Variants in CREBBP observed in about 807,000 individuals in gnomAD.
The protein encoded by CREBBP is CREB binding lysine acetyltransferase.
Under a neutral mutation model 265.0 loss-of-function variants are expected in CREBBP, and 19 were observed. The observed-to-expected ratio is 0.07, with a 90% CI of 0.05 to 0.11. CREBBP has a LOEUF of 0.11. Among genes scored for constraint, CREBBP ranks in the 10% least tolerant of loss-of-function variants. The pLI, the probability that CREBBP is intolerant of heterozygous loss-of-function variation, is 1.00. For synonymous variants in CREBBP, 1,457 were observed against 1,223.7 expected (o/e 1.19, Z -3.98); for missense variants, 2,525 against 3,219.0 (o/e 0.78, Z 5.22).
At position 3,728,053 on chromosome 16, in the gene CREBBP, C is replaced by T. The variant is rs2151299963; in HGVS notation, c.6994G>A (p.Gly2332Ser). Reference sequence around the variant, plus strand: ...CTAAGGGACGTGGCGATCTGCTGGCCAGGGAGATGCGAGGCCTGTGGCTGT... The same window carrying T: ...CTAAGGGACGTGGCGATCTGCTGGCTAGGGAGATGCGAGGCCTGTGGCTGT... ...SGQPQASHLP[G>S]QQIATSLSNQ... The change falls in exon 31 of 31, where the codon GGC becomes AGC. Residue 2332 changes from glycine (G) to serine (S), a missense_variant. Physicochemically the swap from Gly to Ser is moderately conservative, Grantham distance 56 (BLOSUM62 0). This residue lies in a region of CREBBP where 473 missense variants were observed against 459.3 expected (regional missense o/e 1.03). Coordinates refer to ENST00000262367, the MANE Select transcript of CREBBP (RefSeq NM_004380.3). The surrounding 1 kb of genome is among the most constrained non-coding windows in gnomAD (Gnocchi z 8.7). 6.2e-7 allele frequency: 1 copy of T among 1,613,340 alleles called. No individual in the cohort carries two copies. The highest frequency in any genetic ancestry group is 1.1e-5 in the South Asian group (1 of 91,058).
intron 28 of CREBBP, among the ~76,000 whole-genome samples, chr16:3,733,791 G>A (rs556354222): frequency 1.3e-4 from 20 of 152,034 alleles, no homozygotes; most frequent in African/African-American, 3.6e-4. Flanking sequence ...ACAGGCGTGC[G>A]CCACCACACC....
intron 2 of CREBBP, among the ~76,000 whole-genome samples, chr16:3,845,238 T>A (rs1178955739): frequency 6.6e-6 from 1 of 152,188 alleles, no homozygotes. Context: ...ATCATATTTT[T>A]AAAAATTCTC....
rs2054756713 is a variant in CREBBP at position 3,849,435 on chromosome 16, GTGT to G, written c.798+859_798+861del. Among the ~76,000 whole-genome samples the G allele has an allele frequency of 6.2e-3, 97 of 15,730 alleles. 2 individuals are homozygous for G. Among genetic ancestry groups the G allele is most frequent in the Admixed American group, 0.013 (17 of 1,276 alleles). The allele number at this position is 15,730 out of a possible 152,430, so 10.3% of individuals were successfully genotyped here. On this transcript the variant is annotated intron_variant, in intron 2 of 30. Coordinates refer to ENST00000262367, the MANE Select transcript of CREBBP (RefSeq NM_004380.3). ...TGTGTGTGTGTGTGTGTGTGTGTGT[GTGT>G]GTGTGTGTGTGTGTGTGTGTGTGTG...
Position 3,729,560 on chromosome 16 carries a change from G to A in CREBBP, c.5487C>T (p.His1829=), listed in dbSNP as rs565393831. 36 of 1,614,192 alleles carry A rather than the reference G, an allele frequency of 2.2e-5. No homozygotes were observed. In the South Asian group the frequency reaches 3.4e-4, roughly 15 times the overall value. The change falls in exon 31 of 31, where the codon CAC becomes CAT. Residue 1829 remains histidine (H), a synonymous_variant. Coordinates refer to ENST00000262367, the MANE Select transcript of CREBBP (RefSeq NM_004380.3). ...CKQLIALCCY[H]AKHCQENKCP... ...ATTTGTTTTCTTGGCAGTGCTTGGC[G>A]TGGTAGCAGCAGAGGGCGATGAGCT...
At chr16:3,797,546 G>C (rs2053631599) in intron 3 of CREBBP, among the ~76,000 whole-genome samples, 1 of 151,990 alleles carries the variant, frequency 6.6e-6, no homozygotes, top group Non-Finnish European at 1.5e-5. Context: ...AACTAATAAT[G>C]AAATAGAACC....
chr16:3,819,897 T>G (rs1016303527), intron 2 of CREBBP, among the ~76,000 whole-genome samples: 6 of 152,194 alleles, frequency 3.9e-5, no homozygotes, highest in African/African-American at 1.4e-4. Context: ...CTACCACTCA[T>G]AAGCCAGCCA....
intron 16 of CREBBP, chr16:3,761,574 T>C (rs1161141175): frequency 1.9e-6 from 1 of 518,670 alleles, no homozygotes. Flanking sequence ...ATACAGACTC[T>C]TGACCAACCT....
At chr16:3,810,175 T>C (rs555028605) in intron 3 of CREBBP, among the ~76,000 whole-genome samples, 55 of 152,290 alleles carry the variant, frequency 3.6e-4, no homozygotes, top group African/African-American at 1.3e-3. Context: ...TTGGACGTAA[T>C]ATGCATCTCA....
At chr16:3,805,790 T>G (rs1241714854) in intron 3 of CREBBP, among the ~76,000 whole-genome samples, 1 of 152,212 alleles carries the variant, frequency 6.6e-6, no homozygotes, top group African/African-American at 2.4e-5. Flanking sequence ...ATGGTGTCAG[T>G]GGACAGTGGC....
chr16:3,758,111 C>A (rs2151384443), intron 17 of CREBBP, 63 bp from the exon 18 acceptor site: 1 of 1,570,450 alleles, frequency 6.4e-7, no homozygotes, highest in Non-Finnish European at 8.7e-7. Context: ...CCAGTCTCAT[C>A]TGGCAGCTTT....
chr16:3,820,753 C>T lies in CREBBP; in HGVS notation c.799-9974G>A, dbSNP rs74398051. ...CGTGTGCTTGTAGTCCCAGCTATTT[C>T]GGAGGCTGAGGTGGGAGGACTGCTC... is the stretch of plus-strand genomic sequence containing the variant. On this transcript the variant is annotated intron_variant, in intron 2 of 30. Coordinates refer to ENST00000262367, the MANE Select transcript of CREBBP (RefSeq NM_004380.3). 7.4e-3 allele frequency among the ~76,000 whole-genome samples: 1,128 copies of T among 152,178 alleles called. 12 individuals are homozygous for T. Among genetic ancestry groups the T allele is most frequent in the Middle Eastern group, 0.017 (5 of 294 alleles).
At chr16:3,775,200 T>C (rs2053108088) in intron 11 of CREBBP, among the ~76,000 whole-genome samples, 1 of 152,192 alleles carries the variant, frequency 6.6e-6, no homozygotes, top group Non-Finnish European at 1.5e-5. Flanking sequence ...GGGTTTACAT[T>C]CATTGTTAGA....
chr16:3,749,464 T>G (rs1279299655), intron 21 of CREBBP, among the ~76,000 whole-genome samples, 163 bp downstream of exon 21: 1 of 152,212 alleles, frequency 6.6e-6, no homozygotes, highest in African/African-American at 2.4e-5. Flanking sequence ...CATATTTTGT[T>G]TAAGTTTAAA....
chr16:3,801,397 C>G (rs1944744948), intron 3 of CREBBP, among the ~76,000 whole-genome samples: 1 of 152,190 alleles, frequency 6.6e-6, no homozygotes, highest in Non-Finnish European at 1.5e-5. Flanking sequence ...GGGCTGGGTG[C>G]AGCAGCTCAC....
intron 5 of CREBBP, among the ~76,000 whole-genome samples, chr16:3,790,667 A>G (rs371778412): frequency 1.3e-5 from 2 of 152,172 alleles, no homozygotes; most frequent in East Asian, 1.9e-4. Flanking sequence ...TGGCTTTTAA[A>G]GGAAACTCGT....
intron 5 of CREBBP, among the ~76,000 whole-genome samples, chr16:3,787,627 AGGTTTTTTTTTTTGTTTTGTTTT>A (rs2053416775): frequency 6.7e-6 from 1 of 150,336 alleles, no homozygotes; most frequent in African/African-American, 2.5e-5. Context: ...TAAAAAAAGG[AGGTTTTTTTTTTTGTTTTGTTTT>A]GGTTTTTTGT....
intron 3 of CREBBP, among the ~76,000 whole-genome samples, chr16:3,806,820 C>T (rs2053839949): frequency 6.6e-6 from 1 of 152,112 alleles, no homozygotes; most frequent in South Asian, 2.1e-4. Context: ...TCACGCCCTG[C>T]TCCCTTCCCT....
intron 26 of CREBBP, chr16:3,737,139 T>G: frequency 2.2e-6 from 1 of 462,092 alleles, no homozygotes. Context: ...CTTCCTCCTG[T>G]GCACTGTAAA....
chr16:3,786,618 G>A (rs1329478845), intron 5 of CREBBP, among the ~76,000 whole-genome samples: 2 of 152,148 alleles, frequency 1.3e-5, no homozygotes, highest in Non-Finnish European at 2.9e-5. Context: ...TGAGCCACGG[G>A]GTCACCCAAC....
Sources: gnomAD v4.1 joint callset for allele counts (sites outside exome capture counted in the v4.1 genomes callset) on GRCh38, gnomAD v4.1.1 for gene constraint, gnomAD v4.1.1 regional missense constraint, Gnocchi (gnomAD v3.1) non-coding constraint, MANE v1.5 for transcripts, NCBI Gene and HGNC (gene_info 2026-07-23, HGNC 2026-07-21) for gene names.